The following ENOX1 variants were observed in gnomAD, a reference collection of about 807,000 sequenced individuals.
The protein encoded by ENOX1 is candidate growth-related and time keeping constitutive hydroquinone (NADH) oxidase.
In ENOX1, 42 loss-of-function variants were observed where a neutral mutation model predicts 82.5. That is an observed-to-expected ratio of 0.51 (90% CI 0.40 to 0.66). ENOX1 has a LOEUF of 0.66. ENOX1 is among the 30% of genes least tolerant of loss of function. ENOX1 has a pLI of 0.00. For missense variants in ENOX1, 608 were observed against 811.6 expected, an observed-to-expected ratio of 0.75 and a Z score of 3.05; for synonymous variants, 271 against 282.2, an observed-to-expected ratio of 0.96 and a Z score of 0.40.
intron 1 of ENOX1, among the ~76,000 whole-genome samples, chr13:43,695,174 AAG>A (rs1193495496): frequency 6.6e-6 from 1 of 152,108 alleles, no homozygotes; most frequent in African/African-American, 2.4e-5. Flanking sequence ...TATGTTCACA[AAG>A]ACACACCTGA....
At chr13:43,249,400 C>T (rs1029527052) in intron 14 of ENOX1, among the ~76,000 whole-genome samples, 2 of 152,168 alleles carry the variant, frequency 1.3e-5, no homozygotes, top group African/African-American at 4.8e-5. Context: ...GAAAAATCTC[C>T]TCAACCAATA....
chr13:43,247,919 T>C (rs2043223242), intron 14 of ENOX1, among the ~76,000 whole-genome samples: 1 of 101,240 alleles, frequency 9.9e-6, no homozygotes, highest in Non-Finnish European at 1.9e-5. Flanking sequence ...GGAGTCTCGC[T>C]CTGTCGCCCA....
rs781274124 is a variant in ENOX1 at position 43,482,213 on chromosome 13, G to A, written c.-75+1796C>T. Among the ~76,000 whole-genome samples, 8 of 152,266 alleles carry A rather than the reference G, an allele frequency of 5.3e-5. No homozygotes were observed. In the South Asian group the frequency reaches 8.3e-4, roughly 16 times the overall value. On this transcript the variant is annotated intron_variant, in intron 3 of 16. Coordinates refer to ENST00000690772, the MANE Select transcript of ENOX1 (RefSeq NM_001347969.2). ...ACTCATGTTCACTGCAGCATTATTC[G>A]CAATAGCTAGGATGTGGAAAGAACC...
intron 2 of ENOX1, among the ~76,000 whole-genome samples, chr13:43,534,530 C>A (rs986237422): frequency 6.6e-6 from 1 of 152,190 alleles, no homozygotes; most frequent in Non-Finnish European, 1.5e-5. Flanking sequence ...ATAATGCTAT[C>A]ACAGACTGAA....
chr13:43,334,811 T>G (rs2048608262), intron 9 of ENOX1, among the ~76,000 whole-genome samples: 2 of 152,082 alleles, frequency 1.3e-5, no homozygotes, highest in Non-Finnish European at 2.9e-5. Flanking sequence ...TTGTCTAAAA[T>G]CCAGTCTGTC....
At chr13:43,482,650 A>G (rs2058550380) in intron 3 of ENOX1, among the ~76,000 whole-genome samples, 1 of 12,554 alleles carries the variant, frequency 8.0e-5, no homozygotes, top group Admixed American at 1.9e-3. Flanking sequence ...AACCACAATA[A>G]ATGAAAAAAA....
At chr13:43,620,076 T>G (rs1473018657) in intron 2 of ENOX1, among the ~76,000 whole-genome samples, 1 of 152,198 alleles carries the variant, frequency 6.6e-6, no homozygotes, top group Non-Finnish European at 1.5e-5. Context: ...ATCTTTTGTA[T>G]TTCTGTGGTG....
intron 2 of ENOX1, among the ~76,000 whole-genome samples, chr13:43,650,215 T>G (rs1479583890): frequency 6.6e-6 from 1 of 152,218 alleles, no homozygotes; most frequent in Non-Finnish European, 1.5e-5. Context: ...GACCAGTTCT[T>G]GGCAGGGGCT....
At chr13:43,754,280 T>C (rs953289986) in intron 1 of ENOX1, among the ~76,000 whole-genome samples, 2 of 147,012 alleles carry the variant, frequency 1.4e-5, no homozygotes, top group African/African-American at 4.9e-5. Flanking sequence ...CACACATATA[T>C]ACATATATAC....
At chr13:43,268,509 C>T (rs1205236433) in intron 13 of ENOX1, among the ~76,000 whole-genome samples, 1 of 152,036 alleles carries the variant, frequency 6.6e-6, no homozygotes, top group Non-Finnish European at 1.5e-5. Context: ...GTACTTTTCT[C>T]TCACAAATCA....
intron 1 of ENOX1, among the ~76,000 whole-genome samples, chr13:43,774,094 C>A (rs1951791603): frequency 6.6e-6 from 1 of 152,226 alleles, no homozygotes; most frequent in African/African-American, 2.4e-5. Flanking sequence ...ACTTCTACAG[C>A]ACCTACTTTG....
At chr13:43,590,929 A>G (rs2081221571) in intron 2 of ENOX1, among the ~76,000 whole-genome samples, 1 of 152,240 alleles carries the variant, frequency 6.6e-6, no homozygotes, top group Admixed American at 6.5e-5. Context: ...AGTAACCAGG[A>G]AAACATAAAT....
chr13:43,785,584 G>C (rs1952525560), intron 1 of ENOX1, among the ~76,000 whole-genome samples: 1 of 152,178 alleles, frequency 6.6e-6, no homozygotes, highest in Non-Finnish European at 1.5e-5. Flanking sequence ...TTACAGCAGT[G>C]AAAGATTGAG....
chr13:43,736,986 T>C (rs1179901684), intron 1 of ENOX1, among the ~76,000 whole-genome samples: 1 of 152,176 alleles, frequency 6.6e-6, no homozygotes, highest in Admixed American at 6.5e-5. Context: ...GATACTGTCT[T>C]AACACAGGCT....
chr13:43,697,954 C>G (rs2086719783), intron 1 of ENOX1, among the ~76,000 whole-genome samples: 1 of 152,092 alleles, frequency 6.6e-6, no homozygotes, highest in South Asian at 2.1e-4. Flanking sequence ...CCAGAATCAG[C>G]ATTGAGGAAG....
At chr13:43,425,617 A>AT (rs777035794) in intron 3 of ENOX1, among the ~76,000 whole-genome samples, 5 of 152,092 alleles carry the variant, frequency 3.3e-5, no homozygotes, top group African/African-American at 4.8e-5. Flanking sequence ...CAACTAGTCT[A>AT]TTTTTTTAAC....
intron 2 of ENOX1, among the ~76,000 whole-genome samples, chr13:43,510,640 C>T (rs1392229964): frequency 6.6e-6 from 1 of 152,090 alleles, no homozygotes; most frequent in Non-Finnish European, 1.5e-5. Flanking sequence ...GACTCATCTA[C>T]GTGGGAGAGG....
At chr13:43,669,757 C>G (rs2085166673) in intron 1 of ENOX1, among the ~76,000 whole-genome samples, 1 of 152,076 alleles carries the variant, frequency 6.6e-6, no homozygotes, top group Non-Finnish European at 1.5e-5. Flanking sequence ...TAGACTGTTC[C>G]GTTGTAATTC....
At chr13:43,393,543 C>G (rs1184840237) in intron 5 of ENOX1, among the ~76,000 whole-genome samples, 2 of 151,882 alleles carry the variant, frequency 1.3e-5, no homozygotes, top group African/African-American at 4.8e-5. Context: ...GCAGAACATA[C>G]AGATTAGATA....
Sources: allele counts gnomAD v4.1 joint callset (sites outside exome capture counted in the v4.1 genomes callset), GRCh38; gene constraint gnomAD v4.1.1; transcripts MANE v1.5; gene names NCBI Gene and HGNC (gene_info 2026-07-23, HGNC 2026-07-21).